Variants in SEMA6D observed in about 807,000 individuals in gnomAD.
The protein encoded by SEMA6D is semaphorin-6D.
SEMA6D carries 35 observed loss-of-function variants against 106.6 expected under a neutral mutation model. The observed-to-expected ratio is 0.33, with a 90% CI of 0.25 to 0.44. SEMA6D has a LOEUF of 0.44. Ranked by LOEUF, SEMA6D falls within the 20% of genes least tolerant of loss-of-function variation. The pLI, the probability that SEMA6D is intolerant of heterozygous loss-of-function variation, is 1.00. For missense variants in SEMA6D, 1,185 were observed against 1,345.9 expected (o/e 0.88, Z 1.87); for synonymous variants, 499 against 487.7 (o/e 1.02, Z -0.31).
chr15:47,340,014 AC>A (rs938861729), intron 1 of SEMA6D, among the ~76,000 whole-genome samples: 3 of 152,096 alleles, frequency 2.0e-5, no homozygotes, highest in African/African-American at 7.2e-5. Context: ...TAATCACGTG[AC>A]CTTTGAGAAA....
chr15:47,205,180 A>T (rs1894973264), intron 1 of SEMA6D, among the ~76,000 whole-genome samples: 1 of 152,176 alleles, frequency 6.6e-6, no homozygotes, highest in Non-Finnish European at 1.5e-5. Flanking sequence ...ACCAGTTCCA[A>T]TCATTGTAGA....
chr15:47,589,844 A>G (rs898185075), intron 3 of SEMA6D, among the ~76,000 whole-genome samples: 1 of 152,198 alleles, frequency 6.6e-6, no homozygotes, highest in Non-Finnish European at 1.5e-5. Flanking sequence ...GAGTAAAGAA[A>G]GGCATTTTGG....
intron 1 of SEMA6D, among the ~76,000 whole-genome samples, chr15:47,385,560 T>C (rs1243080506): frequency 6.6e-6 from 1 of 152,222 alleles, no homozygotes; most frequent in African/African-American, 2.4e-5. Flanking sequence ...AATGTATCTG[T>C]GTGTTCATAC....
At chr15:47,283,083 G>C (rs772788764) in intron 1 of SEMA6D, among the ~76,000 whole-genome samples, 1 of 152,104 alleles carries the variant, frequency 6.6e-6, no homozygotes, top group Non-Finnish European at 1.5e-5. Flanking sequence ...TCAAAGGCCA[G>C]ACTGTTGGAA....
At chr15:47,471,305 T>G (rs2042829529) in intron 3 of SEMA6D, among the ~76,000 whole-genome samples, 1 of 152,238 alleles carries the variant, frequency 6.6e-6, no homozygotes, top group African/African-American at 2.4e-5. Context: ...GTTTTCAGTT[T>G]GTTCATCTCC....
intron 3 of SEMA6D, among the ~76,000 whole-genome samples, chr15:47,573,398 C>T (rs1454762303): frequency 3.3e-5 from 5 of 152,098 alleles, no homozygotes; most frequent in African/African-American, 1.2e-4. Flanking sequence ...TTCAAAAGTT[C>T]CAGAACATAG....
At chr15:47,657,655 T>C (rs2145111420) in intron 4 of SEMA6D, among the ~76,000 whole-genome samples, 1 of 150,818 alleles carries the variant, frequency 6.6e-6, no homozygotes, top group Non-Finnish European at 1.5e-5. Context: ...AAAACTTTTT[T>C]ATCTAAATGT....
At chr15:47,225,255 A>G (rs2031558208) in intron 1 of SEMA6D, among the ~76,000 whole-genome samples, 1 of 152,000 alleles carries the variant, frequency 6.6e-6, no homozygotes, top group South Asian at 2.1e-4. Context: ...AGGTGGCTGT[A>G]TCATTTTGTG....
At position 47,717,658 on chromosome 15, in the gene SEMA6D, T is replaced by G. The variant is rs2079161925; in HGVS notation, c.-89T>G. 1 of 151,626 alleles carries G rather than the reference T, an allele frequency of 6.6e-6. No individual in the cohort carries two copies. Among genetic ancestry groups the G allele is most frequent in the South Asian group, 2.1e-4 (1 of 4,778 alleles). 9.4% of individuals were successfully genotyped at this position (151,626 alleles called of 1,614,324 possible). A position where few individuals can be genotyped will look rare whatever the true frequency, so the allele number is the denominator to read the frequency against. On this transcript the variant is annotated 5_prime_UTR_variant, in exon 1 of 19. Coordinates refer to ENST00000536845, the MANE Select transcript of SEMA6D (RefSeq NM_001358351.3). ...TGCGCGTGGCAAGCTTTTTTTTTTC[T>G]TTTTCTTTTTTCTTACCAGCCTCCC...
rs1005954739 is a variant in SEMA6D, at chr15:47,772,292, C to T, written c.*507C>T. The T allele has an allele frequency of 6.4e-6, 1 of 156,078 alleles. No homozygotes were observed. The highest frequency in any genetic ancestry group is 2.4e-5 in the African/African-American group (1 of 41,044). 9.7% of individuals were successfully genotyped at this position (156,078 alleles called of 1,614,324 possible). A position where few individuals can be genotyped will look rare whatever the true frequency, so the allele number is the denominator to read the frequency against. On this transcript the variant is annotated 3_prime_UTR_variant, in exon 19 of 19. Transcript: ENST00000536845. ...CTAAAAATTCAATCTTTGACCCAAG[C>T]TGTAGCATTTTTTTTTCATGTGTGG...
chr15:47,207,991 G>GCACACACACACACA (rs779884565), intron 1 of SEMA6D, among the ~76,000 whole-genome samples: 2 of 122,894 alleles, frequency 1.6e-5, no homozygotes, highest in African/African-American at 3.1e-5. Flanking sequence ...ACTGGCGCGC[G>GCACACACACACACA]CGCACACACA....
chr15:47,552,525 T>TACACACAC (rs144968308), intron 3 of SEMA6D, among the ~76,000 whole-genome samples: 24 of 130,066 alleles, frequency 1.8e-4, no homozygotes, highest in Non-Finnish European at 6.5e-5. Context: ...TATATATGTA[T>TACACACAC]ACACACACAC....
In SEMA6D at chr15:47,238,103, T is replaced by G. The variant is rs532116074; in HGVS notation, c.-239+53685T>G. Among the ~76,000 whole-genome samples, 7 of 152,294 alleles carry G rather than the reference T, an allele frequency of 4.6e-5. No homozygotes were observed. In the South Asian group the frequency reaches 8.3e-4, roughly 18 times the overall value. ...TTGGTATATACATGTTCTTTTTTGCTGTAGTGCATTTTTATTTTTGTCATA... is the reference window on the plus strand; with the variant it reads ...TTGGTATATACATGTTCTTTTTTGCGGTAGTGCATTTTTATTTTTGTCATA... On this transcript the variant is annotated intron_variant, in intron 1 of 19. Coordinates refer to the SEMA6D transcript ENST00000558014.
intron 2 of SEMA6D, among the ~76,000 whole-genome samples, chr15:47,429,023 G>A (rs1257130154): frequency 6.6e-6 from 1 of 151,776 alleles, no homozygotes; most frequent in African/African-American, 2.4e-5. Context: ...ATGAAGGAAG[G>A]AAGGAAGGAA....
At chr15:47,706,710 T>C (rs1942301928) in intron 4 of SEMA6D, among the ~76,000 whole-genome samples, 1 of 152,100 alleles carries the variant, frequency 6.6e-6, no homozygotes, top group African/African-American at 2.4e-5. Flanking sequence ...TCTCTCTCTC[T>C]TTCTCTCTAT....
chr15:47,618,090 C>T (rs959947941), intron 4 of SEMA6D, among the ~76,000 whole-genome samples: 4 of 152,194 alleles, frequency 2.6e-5, no homozygotes, highest in Non-Finnish European at 5.9e-5. Context: ...CCCAGTGTAG[C>T]CTGCTGGGTG....
intron 1 of SEMA6D, among the ~76,000 whole-genome samples, chr15:47,276,126 A>G (rs1213605601): frequency 1.3e-5 from 2 of 152,180 alleles, no homozygotes. Flanking sequence ...GTTTGAAGCT[A>G]GCACAGGTTG....
intron 3 of SEMA6D, chr15:47,527,739 A>T (rs1016252684): frequency 3.3e-5 from 5 of 152,226 alleles, no homozygotes; most frequent in African/African-American, 1.2e-4. Context: ...AGGAAAAATA[A>T]ATAAATACTG....
At chr15:47,574,905 C>T (rs1181965461) in intron 3 of SEMA6D, among the ~76,000 whole-genome samples, 1 of 152,168 alleles carries the variant, frequency 6.6e-6, no homozygotes, top group African/African-American at 2.4e-5. Flanking sequence ...TCTAAATACA[C>T]TAATCTACCT....
Sources: allele counts gnomAD v4.1 joint callset (sites outside exome capture counted in the v4.1 genomes callset), GRCh38; gene constraint gnomAD v4.1.1; transcripts MANE v1.5; gene names NCBI Gene and HGNC (gene_info 2026-07-23, HGNC 2026-07-21).